Variants in ZRANB3 observed in about 807,000 individuals in gnomAD.
ZRANB3 encodes the protein DNA annealing helicase and endonuclease ZRANB3.
A neutral mutation model predicts 133.8 loss-of-function variants in ZRANB3; 125 were observed. That is an observed-to-expected ratio of 0.93 (90% confidence interval 0.81 to 1.08). The LOEUF (loss-of-function observed/expected upper bound fraction) is 1.08, where lower values mean the gene tolerates loss of function less well. Ranked by LOEUF, ZRANB3 falls within the 50% of genes least tolerant of loss-of-function variation. The probability of loss-of-function intolerance (pLI) is 0.00; values close to 1 mark genes in which losing one functional copy is unlikely to be tolerated. For missense variants in ZRANB3, 1,229 were observed against 1,275.5 expected (o/e 0.96, Z 0.56); for synonymous variants, 387 against 432.7 (o/e 0.89, Z 1.31).
rs1683975887 is a variant in ZRANB3 at position 135,328,760 on chromosome 2, T to C, written c.678-13230A>G. ...ACTTTTTAATGATTGCCATTCTAAC[T>C]GGTGTGAGATGGTATCTCATTGTGG... On this transcript the variant is annotated intron_variant, in intron 6 of 20. Coordinates refer to ENST00000264159, the MANE Select transcript of ZRANB3 (RefSeq NM_032143.4). Among the ~76,000 whole-genome samples the C allele has an allele frequency of 1.3e-5, 2 of 152,224 alleles. 1 individual carries two copies. The highest frequency in any genetic ancestry group is 1.3e-4 in the Admixed American group (2 of 15,282).
chr2:135,249,102 T>G (rs192056488), intron 12 of ZRANB3, among the ~76,000 whole-genome samples: 1 of 152,148 alleles, frequency 6.6e-6, no homozygotes, highest in East Asian at 1.9e-4. Flanking sequence ...AAATAACAGA[T>G]GTGGGCAAGG....
At chr2:135,408,112 T>C (rs1047359993) in intron 2 of ZRANB3, among the ~76,000 whole-genome samples, 2 of 151,262 alleles carry the variant, frequency 1.3e-5, no homozygotes, top group African/African-American at 4.9e-5. Flanking sequence ...TACAATGAAC[T>C]CAAACAAATT....
rs1298009330 is a variant in ZRANB3, at chr2:135,390,816, T to C, written c.166A>G (p.Met56Val). 4 of 1,483,538 alleles carry C rather than the reference T, an allele frequency of 2.7e-6. No individual in the cohort carries two copies. Among genetic ancestry groups the C allele is most frequent in the Non-Finnish European group, 3.6e-6 (4 of 1,116,352 alleles). The allele number at this position is 1,483,538 out of a possible 1,614,324, so 91.9% of individuals were successfully genotyped here. ...IFALKRNGRC[M>V]VADEMGLGKT... ...GAAACACTTACTTCATCAGCCACCA[T>C]ACACCTGGAAAAAAAAAAAAAAAAA... Residue 56 changes from methionine to valine, a missense_variant, in exon 3 of 21, where the codon ATG (methionine) becomes GTG (valine). Transcript: ENST00000264159.
intron 1 of ZRANB3, chr2:135,511,124 A>T: frequency 3.9e-6 from 3 of 770,002 alleles, no homozygotes; most frequent in East Asian, 2.4e-5. Context: ...CTTTACCAAC[A>T]TAAGGAGGTA....
At chr2:135,466,533 G>A (rs920263996) in intron 2 of ZRANB3, among the ~76,000 whole-genome samples, 2 of 151,970 alleles carry the variant, frequency 1.3e-5, no homozygotes, top group African/African-American at 4.8e-5. Context: ...AAAAACCTGT[G>A]GTTTGAGTTC....
At chr2:135,243,333 G>A (rs535901891) in intron 12 of ZRANB3, among the ~76,000 whole-genome samples, 1 of 152,272 alleles carries the variant, frequency 6.6e-6, no homozygotes, top group East Asian at 1.9e-4. Flanking sequence ...GGCCAAGATG[G>A]TGAAACCCCG....
intron 6 of ZRANB3, among the ~76,000 whole-genome samples, chr2:135,322,225 A>G (rs1319367691): frequency 6.6e-6 from 1 of 152,328 alleles, no homozygotes. Flanking sequence ...CCAGTGATTT[A>G]CATGTGTCTC....
At position 135,482,475 on chromosome 2, in the gene ZRANB3, A is replaced by T. The variant is rs1344221652; in HGVS notation, c.161+21854T>A. Among the ~76,000 whole-genome samples the T allele has an allele frequency of 2.7e-3, 399 of 149,826 alleles. 1 individual carries two copies. Among genetic ancestry groups the T allele is most frequent in the African/African-American group, 9.0e-3 (360 of 40,034 alleles). On this transcript the variant is annotated intron_variant, in intron 2 of 20. Transcript: ENST00000264159. The stretch of plus-strand genomic sequence containing the variant: ...TTTTGTACATTGATTTTGTATCCTG[A>T]GACTTTGCTGAAGTTGCTTATCAGC...
At chr2:135,374,888 G>A (rs980302519) in intron 3 of ZRANB3, among the ~76,000 whole-genome samples, 2 of 152,016 alleles carry the variant, frequency 1.3e-5, no homozygotes, top group Non-Finnish European at 2.9e-5. Context: ...TTTAAACATG[G>A]GTATAAGATC....
intron 5 of ZRANB3, among the ~76,000 whole-genome samples, chr2:135,347,819 T>C (rs72982399): frequency 0.056 from 8,570 of 152,130 alleles, 466 homozygotes; most frequent in African/African-American, 0.14. Flanking sequence ...GCAGCAAAAA[T>C]AGTGCTTAGA....
rs60554826 is a variant in ZRANB3 at position 135,308,981 on chromosome 2, A to T, written c.966+4508T>A. ...TCTAAAAAAACTTAGTAATAACATC[A>T]TTTTTTTTTTTTTTTTTGAGATGGA... On this transcript the variant is annotated intron_variant, in intron 8 of 20. Transcript: ENST00000264159. Among the ~76,000 whole-genome samples the T allele has an allele frequency of 2.0e-3, 269 of 135,642 alleles. 7 individuals carry two copies. In the South Asian group the frequency reaches 0.036, roughly 18 times the overall value. 89.0% of individuals were successfully genotyped at this position (135,642 alleles called of 152,430 possible). A position where few individuals can be genotyped will look rare whatever the true frequency, so the allele number is the denominator to read the frequency against.
chr2:135,340,175 G>A (rs1000559538), intron 6 of ZRANB3, among the ~76,000 whole-genome samples: 6 of 149,374 alleles, frequency 4.0e-5, no homozygotes, highest in African/African-American at 7.4e-5. Flanking sequence ...GCGCGATCTC[G>A]GCTCACTACA....
At chr2:135,480,158 G>C (rs1351395617) in intron 2 of ZRANB3, among the ~76,000 whole-genome samples, 1 of 151,334 alleles carries the variant, frequency 6.6e-6, no homozygotes, top group South Asian at 2.1e-4. Flanking sequence ...TAGCCAGGAA[G>C]GTCTCGATCT....
intron 20 of ZRANB3, 118 bp downstream of exon 20, chr2:135,202,714 T>C: frequency 1.6e-6 from 2 of 1,286,700 alleles, no homozygotes; most frequent in East Asian, 2.7e-5. Flanking sequence ...AGGAGTAAAA[T>C]GTGCCTCGAA....
chr2:135,387,975 T>C (rs1417534922), intron 3 of ZRANB3, among the ~76,000 whole-genome samples: 3 of 152,036 alleles, frequency 2.0e-5, no homozygotes, highest in Non-Finnish European at 4.4e-5. Flanking sequence ...AATATAAGAG[T>C]TAAGAAGGTG....
intron 2 of ZRANB3, among the ~76,000 whole-genome samples, chr2:135,478,387 C>G (rs1670175556): frequency 1.3e-5 from 2 of 152,044 alleles, no homozygotes; most frequent in African/African-American, 4.8e-5. Flanking sequence ...TATCAGCACC[C>G]CCCCGAAGCC....
At chr2:135,357,092 T>C (rs1685472290) in intron 3 of ZRANB3, among the ~76,000 whole-genome samples, 1 of 152,144 alleles carries the variant, frequency 6.6e-6, no homozygotes, top group Non-Finnish European at 1.5e-5. Context: ...GCTGATTTTC[T>C]TGATGATGTT....
At chr2:135,222,046 G>A (rs542884325) in intron 15 of ZRANB3, among the ~76,000 whole-genome samples, 2 of 152,112 alleles carry the variant, frequency 1.3e-5, no homozygotes, top group Non-Finnish European at 2.9e-5. Context: ...TTTAAACATC[G>A]ATATAATGGA....
intron 8 of ZRANB3, among the ~76,000 whole-genome samples, chr2:135,303,458 C>T (rs1430477817): frequency 6.6e-6 from 1 of 152,012 alleles, no homozygotes; most frequent in African/African-American, 2.4e-5. Flanking sequence ...TCTTAGTACC[C>T]GTTACTGAAA....
Sources: allele counts gnomAD v4.1 joint callset (sites outside exome capture counted in the v4.1 genomes callset), GRCh38; gene constraint gnomAD v4.1.1; transcripts MANE v1.5; gene names NCBI Gene and HGNC (gene_info 2026-07-23, HGNC 2026-07-21).